GABRE: variants seen among roughly 807,000 people sequenced by gnomAD.
GABRE encodes gamma-aminobutyric acid type A receptor subunit epsilon.
In GABRE, 20 loss-of-function variants were observed where a neutral mutation model predicts 31.0. The ratio of observed to expected loss-of-function variants is 0.64; its 90% CI spans 0.45 to 0.94. The LOEUF is 0.94. Among genes scored for constraint, GABRE ranks in the 40% least tolerant of loss-of-function variants. GABRE has a pLI of 0.00. For synonymous variants in GABRE, 155 were observed against 150.6 expected (o/e 1.03, Z -0.21); for missense variants, 420 against 410.7 (o/e 1.02, Z -0.20).
At chrX:151,974,549 G>T (rs898440082) in intron 1 of GABRE, 21 bp downstream of exon 1, 1 of 1,137,650 alleles carries the variant, frequency 8.8e-7, no homozygotes, top group African/African-American at 1.8e-5. Flanking sequence ...AGGGCTCCCG[G>T]GTCCCGGGAT....
chrX:151,972,553 G>A (rs199683434), intron 1 of GABRE: 2 of 753,826 alleles, frequency 2.7e-6, no homozygotes, highest in Non-Finnish European at 3.1e-6. Flanking sequence ...ATCCATGGAC[G>A]AGATCCTCCC....
At position 151,960,014 on chromosome X, in the gene GABRE, T is replaced by C. The variant is rs763625359; in HGVS notation, c.647-38A>G. ...GTGAGAAAGAGGGTCTTATGAGACT[T>C]GGAAGCCCACCTGAGGTCTCCAATA... On this transcript the variant is annotated intron_variant, in intron 5 of 8. Transcript: ENST00000370328. 10 of 1,181,263 alleles carry C rather than the reference T, an allele frequency of 8.5e-6. No individual in the cohort carries two copies. The Admixed American group carries it at 1.8e-4, about 21-fold the overall frequency.
Position 151,955,590 on chromosome X carries a change from GGCTCA to G in GABRE, c.938-28_938-24del, listed in dbSNP as rs1350043715. On this transcript the variant is annotated intron_variant, in intron 7 of 8. Transcript: ENST00000370328. ...TCCCTGCAAGAGCACAAGAGTGATG[GGCTCA>G]GCTCCTGACCTATGTGCGACATTGG... The G allele has an allele frequency of 4.2e-6, 5 of 1,202,153 alleles. No individual in the cohort carries two copies. In the Admixed American group the frequency reaches 6.5e-5, roughly 16 times the overall value.
intron 2 of GABRE, 193 bp downstream of exon 2, chrX:151,969,992 G>A: frequency 9.2e-7 from 1 of 1,082,201 alleles, no homozygotes; most frequent in Non-Finnish European, 1.2e-6. Context: ...GAGGGCGAGA[G>A]AAGGGAAAAG....
chrX:151,974,656 G>T lies in GABRE; in HGVS notation c.-31C>A. 9.0e-7 allele frequency: 1 copy of T among 1,105,485 alleles called. No homozygotes were observed. The allele number at this position is 1,105,485 out of a possible 1,213,427, so 91.1% of individuals were successfully genotyped here. A position where few individuals can be genotyped will look rare whatever the true frequency, so the allele number is the denominator to read the frequency against. On this transcript the variant is annotated 5_prime_UTR_variant, in exon 1 of 9. Coordinates refer to ENST00000370328, the MANE Select transcript of GABRE (RefSeq NM_004961.4). ...CGGAGACCGGCGCGACCACCTGCGC[G>T]GAGGTCGCGGCTCACGCTCTGGCCG...
At chrX:151,964,768 TAAA>T (rs1934479906) in intron 3 of GABRE, among the ~76,000 whole-genome samples, 1 of 112,171 alleles carries the variant, frequency 8.9e-6, no homozygotes, top group Non-Finnish European at 1.9e-5. Flanking sequence ...AGAATTATAA[TAAA>T]AATGAAGTGT....
chrX:151,966,201 G>A (rs771547727), intron 3 of GABRE, among the ~76,000 whole-genome samples: 52 of 112,518 alleles, frequency 4.6e-4, no homozygotes, highest in Non-Finnish European at 7.5e-4. Context: ...AGGAGCTTGC[G>A]ATGTACATCC....
intron 3 of GABRE, among the ~76,000 whole-genome samples, chrX:151,963,614 C>T (rs1420720091): frequency 8.9e-5 from 10 of 112,478 alleles, no homozygotes. Flanking sequence ...CTGGATAAAA[C>T]TGAAATCTAG....
chrX:151,956,740 C>A (rs1053936657), intron 6 of GABRE: 3 of 112,429 alleles, frequency 2.7e-5, no homozygotes, highest in African/African-American at 9.7e-5. Context: ...GCATACACAT[C>A]CACAGGGCAG....
intron 3 of GABRE, among the ~76,000 whole-genome samples, chrX:151,965,685 T>C: frequency 8.8e-6 from 1 of 113,129 alleles, no homozygotes. Flanking sequence ...TTCTTGTGCA[T>C]CAAACAATGA....
intron 3 of GABRE, among the ~76,000 whole-genome samples, chrX:151,969,102 G>A (rs1041191273): frequency 3.6e-5 from 4 of 112,303 alleles, no homozygotes; most frequent in Non-Finnish European, 3.8e-5. Flanking sequence ...ACCAAAGCAC[G>A]TGGTCTCTAA....
At chrX:151,963,814 G>T (rs1881183154) in intron 3 of GABRE, among the ~76,000 whole-genome samples, 1 of 112,271 alleles carries the variant, frequency 8.9e-6, no homozygotes. Context: ...ACATGTTTCA[G>T]GTTTGTGTGT....
chrX:151,970,527 G>T, intron 1 of GABRE, 125 bp from the exon 2 acceptor site: 1 of 771,148 alleles, frequency 1.3e-6, no homozygotes, highest in Non-Finnish European at 1.8e-6. Flanking sequence ...ATTGTGACTG[G>T]TAATAGCAAA....
intron 6 of GABRE, chrX:151,958,570 T>C (rs760487773): frequency 1.3e-5 from 5 of 378,318 alleles, no homozygotes; most frequent in Admixed American, 2.6e-5. Context: ...ATGATGATGC[T>C]GGCTCTGGGG....
chrX:151,955,692 C>T lies in GABRE; in HGVS notation c.937+16G>A. ...CCCAGCCATGTGCCTATGCGTATAC[C>T]TGTTTCTCCTCTTACCTAGAGAGGT... On this transcript the variant is annotated intron_variant, in intron 7 of 8. Transcript: ENST00000370328. The T allele has an allele frequency of 8.3e-7, 1 of 1,211,432 alleles. No individual in the cohort carries two copies. The highest frequency in any genetic ancestry group is 1.1e-6 in the Non-Finnish European group (1 of 895,159).
chrX:151,972,760 T>C (rs1934750538), intron 1 of GABRE: 3 of 540,426 alleles, frequency 5.6e-6, no homozygotes, highest in East Asian at 1.7e-4. Context: ...CAAAACCTCA[T>C]CTTGAGGTCC....
Position 151,955,091 on chromosome X carries a change from T to C in GABRE, c.1138-7A>G, listed in dbSNP as rs1204670838. 7 of 1,201,562 alleles carry C rather than the reference T, an allele frequency of 5.8e-6. No homozygotes were observed. The Middle Eastern group carries it at 1.4e-3, about 237-fold the overall frequency. On this transcript the variant is annotated splice_polypyrimidine_tract_variant and splice_region_variant and intron_variant, in intron 8 of 8. Coordinates refer to ENST00000370328, the MANE Select transcript of GABRE (RefSeq NM_004961.4). ...CACGGCTATTGATACGAGGCTAAAA[T>C]GGACAAGGAAAGAAGTGGGGAAAAG...
Position 151,953,525 on chromosome X carries a change from A to G in GABRE, c.*1176T>C, listed in dbSNP as rs1263971754. 2 of 112,264 alleles carry G rather than the reference A, an allele frequency of 1.8e-5. No homozygotes were observed. The highest frequency in any genetic ancestry group is 2.8e-4 in the East Asian group (1 of 3,552). The allele number at this position is 112,264 out of a possible 1,213,427, so 9.3% of individuals were successfully genotyped here. On this transcript the variant is annotated 3_prime_UTR_variant, in exon 9 of 9. Coordinates refer to ENST00000370328, the MANE Select transcript of GABRE (RefSeq NM_004961.4). ...CAGAAATCTGTGACTCAGGGTTTTC[A>G]TCTGCAAAATGGGGATAAGAATCCT...
Position 151,955,487 on chromosome X carries a change from A to C in GABRE, c.1018T>G (p.Leu340Val), listed in dbSNP as rs1286480884. 8.3e-7 allele frequency: 1 copy of C among 1,210,345 alleles called. No individual in the cohort carries two copies. Among genetic ancestry groups the C allele is most frequent in the African/African-American group, 1.7e-5 (1 of 57,336 alleles). ...AAGCAGATGGCGATATAGAAATCCA[A>C]GGCTGTGATATAGGAGACACGCGGG... The part of the protein sequence containing the change: ...NFPRVSYITA[L>V]DFYIAICFVF... Residue 340 changes from leucine (L) to valine (V), a missense_variant, in exon 8 of 9, where the codon TTG becomes GTG. Physicochemically the swap from Leu to Val is conservative, Grantham distance 32. Transcript: ENST00000370328.
Sources: gnomAD v4.1 joint callset for allele counts (sites outside exome capture counted in the v4.1 genomes callset) on GRCh38, gnomAD v4.1.1 for gene constraint, MANE v1.5 for transcripts, NCBI Gene and HGNC (gene_info 2026-07-23, HGNC 2026-07-21) for gene names.